The following TMEM68 variants were observed in gnomAD, a reference collection of about 807,000 sequenced individuals.
The protein encoded by TMEM68 is DGAT1/2-independent enzyme synthesizing storage lipids.
TMEM68 carries 25 observed loss-of-function variants against 36.9 expected under a neutral mutation model. The observed-to-expected ratio is 0.68, with a 90% CI of 0.49 to 0.95. TMEM68 has a LOEUF of 0.95. Among genes scored for constraint, TMEM68 ranks in the 40% least tolerant of loss-of-function variants. The pLI, the probability that TMEM68 is intolerant of heterozygous loss-of-function variation, is 0.00. For synonymous variants in TMEM68, 131 were observed against 124.4 expected (o/e 1.05, Z -0.35); for missense variants, 333 against 392.0 (o/e 0.85, Z 1.27).
chr8:55,758,009 C>A (rs1416071775), intron 3 of TMEM68, among the ~76,000 whole-genome samples: 1 of 152,120 alleles, frequency 6.6e-6, no homozygotes, highest in Non-Finnish European at 1.5e-5. Context: ...GGGGCATGAA[C>A]AAGGGGTGTG....
chr8:55,743,503 G>C lies in TMEM68; in HGVS notation c.866C>G (p.Thr289Arg). ...TACCTTTTCAGCTAATTCTTCCGCTGTTATCTGTGGGTCATACGGAATGGG... is the reference window on the plus strand; with the variant it reads ...TACCTTTTCAGCTAATTCTTCCGCTCTTATCTGTGGGTCATACGGAATGGG... Reference protein sequence around the residue: ...GDPIPYDPQITAEELAEKTKN... With the variant: ...GDPIPYDPQIRAEELAEKTKN... Residue 289 changes from threonine (T) to arginine (R), a missense_variant, in exon 7 of 8, where the codon ACA (threonine) becomes AGA (arginine). Transcript: ENST00000434581. 1 of 1,533,864 alleles carries C rather than the reference G, an allele frequency of 6.5e-7. No homozygotes were observed. Among genetic ancestry groups the C allele is most frequent in the Non-Finnish European group, 8.7e-7 (1 of 1,146,092 alleles).
intron 5 of TMEM68, 57 bp from the exon 6 acceptor site, chr8:55,745,178 C>A: frequency 8.3e-7 from 1 of 1,197,638 alleles, no homozygotes; most frequent in South Asian, 1.7e-5. Flanking sequence ...TTCAATGTCT[C>A]CATTAGAGTA....
At chr8:55,769,435 C>G (rs1012371629) in intron 1 of TMEM68, among the ~76,000 whole-genome samples, 1 of 151,590 alleles carries the variant, frequency 6.6e-6, no homozygotes. Context: ...ATTGTTAGAG[C>G]TCTGTCCTTG....
At chr8:55,756,508 A>T in intron 3 of TMEM68, 97 bp from the exon 4 acceptor site, 1 of 1,071,434 alleles carries the variant, frequency 9.3e-7, no homozygotes, top group Non-Finnish European at 1.3e-6. Flanking sequence ...ACAAAAGTAC[A>T]CTAGTCTTCC....
At position 55,756,241 on chromosome 8, in the gene TMEM68, T is replaced by C. The variant is rs769580331; in HGVS notation, c.493+3A>G. 2 of 1,593,988 alleles carry C rather than the reference T, an allele frequency of 1.3e-6. No individual in the cohort carries two copies. Among genetic ancestry groups the C allele is most frequent in the African/African-American group, 1.4e-5 (1 of 73,410 alleles). ...TACATTACTATCTACAGTGAAAGTTTACCTGGAATTTTAAAGACAAAGTGA... is the reference window on the plus strand; with the variant it reads ...TACATTACTATCTACAGTGAAAGTTCACCTGGAATTTTAAAGACAAAGTGA... On this transcript the variant is annotated splice_donor_region_variant and intron_variant, in intron 4 of 7. Transcript: ENST00000434581.
intron 1 of TMEM68, among the ~76,000 whole-genome samples, chr8:55,769,375 C>T (rs1234043322): frequency 1.4e-5 from 2 of 139,446 alleles, no homozygotes; most frequent in Non-Finnish European, 3.1e-5. Flanking sequence ...TCAATGTCAA[C>T]GATAATTCAT....
rs1563438071 is a variant in TMEM68, at chr8:55,763,720, C to CTTTTTATCTTAAATCTT, written c.-70+215_-70+216insAAGATTTAAGATAAAAA. ...GATAACTCTGCACAAAAGAAAACAT[C>CTTTTTATCTTAAATCTT]AATATCTACCTAATTCAGTAAAAGT... On this transcript the variant is annotated intron_variant, in intron 2 of 7. Coordinates refer to ENST00000434581, the MANE Select transcript of TMEM68 (RefSeq NM_001286657.2). 5.6e-4 allele frequency: 7 copies of CTTTTTATCTTAAATCTT among 12,412 alleles called. 1 individual carries two copies. The highest frequency in any genetic ancestry group is 0.05 in the Middle Eastern group (1 of 20). 0.8% of individuals were successfully genotyped at this position (12,412 alleles called of 1,614,324 possible). A position where few individuals can be genotyped will look rare whatever the true frequency, so the allele number is the denominator to read the frequency against.
chr8:55,750,955 A>G lies in TMEM68; in HGVS notation c.687+9T>C, dbSNP rs771242431. ...GCTTTACTTCAATAATTAATTTTAT[A>G]TAACTCACCACTTTTGCATCAATTG... On this transcript the variant is annotated intron_variant, in intron 5 of 7. Coordinates refer to ENST00000434581, the MANE Select transcript of TMEM68 (RefSeq NM_001286657.2). 7 of 1,596,266 alleles carry G rather than the reference A, an allele frequency of 4.4e-6. No homozygotes were observed. Among genetic ancestry groups the G allele is most frequent in the Middle Eastern group, 1.7e-4 (1 of 6,024 alleles).
chr8:55,755,128 A>C (rs899387172), intron 4 of TMEM68, among the ~76,000 whole-genome samples: 1 of 150,930 alleles, frequency 6.6e-6, no homozygotes, highest in Non-Finnish European at 1.5e-5. Context: ...GCAAGACCCC[A>C]TATCTAAATA....
intron 1 of TMEM68, among the ~76,000 whole-genome samples, chr8:55,771,465 CAA>C (rs1811161007): frequency 1.6e-5 from 2 of 121,412 alleles, no homozygotes; most frequent in South Asian, 2.7e-4. Flanking sequence ...CACACACACA[CAA>C]AATTAGGCAG....
At chr8:55,754,550 AATAC>A (rs1279737639) in intron 4 of TMEM68, among the ~76,000 whole-genome samples, 20 of 139,574 alleles carry the variant, frequency 1.4e-4, no homozygotes, top group South Asian at 8.5e-4. Flanking sequence ...TTATATATAT[AATAC>A]ATACATATTA....
intron 1 of TMEM68, among the ~76,000 whole-genome samples, chr8:55,764,528 AGAG>A (rs1160727702): frequency 6.6e-6 from 1 of 152,224 alleles, no homozygotes; most frequent in African/African-American, 2.4e-5. Context: ...GGATGAAAGG[AGAG>A]GAGGAGATGT....
At chr8:55,750,817 C>T (rs749087995) in intron 5 of TMEM68, 147 bp downstream of exon 5, 2 of 721,874 alleles carry the variant, frequency 2.8e-6, no homozygotes, top group Non-Finnish European at 2.2e-6. Context: ...AGATTACAGG[C>T]GTGAGCTACC....
At chr8:55,768,960 G>A (rs1290404275) in intron 1 of TMEM68, among the ~76,000 whole-genome samples, 1 of 146,384 alleles carries the variant, frequency 6.8e-6, no homozygotes, top group Non-Finnish European at 1.5e-5. Flanking sequence ...AAGCTGCAGT[G>A]AGTAATGATC....
intron 4 of TMEM68, among the ~76,000 whole-genome samples, chr8:55,754,558 C>T (rs1486099521): frequency 4.5e-5 from 6 of 132,582 alleles, no homozygotes; most frequent in Non-Finnish European, 3.1e-5. Flanking sequence ...ATAATACATA[C>T]ATATTATATA....
intron 1 of TMEM68, among the ~76,000 whole-genome samples, chr8:55,771,441 AACAC>A (rs10612593): frequency 0.37 from 55,831 of 148,968 alleles, 10,525 homozygotes; most frequent in Middle Eastern, 0.46. Flanking sequence ...GTCTCTACAA[AACAC>A]ACACACACAC....
At chr8:55,756,885 G>C (rs1237534461) in intron 3 of TMEM68, among the ~76,000 whole-genome samples, 1 of 152,132 alleles carries the variant, frequency 6.6e-6, no homozygotes, top group African/African-American at 2.4e-5. Context: ...CGAGACAGGT[G>C]GCCTGGTGTA....
At chr8:55,743,200 G>A (rs1252465524) in intron 7 of TMEM68, among the ~76,000 whole-genome samples, 1 of 151,966 alleles carries the variant, frequency 6.6e-6, no homozygotes, top group Non-Finnish European at 1.5e-5. Context: ...AAAAACCTAT[G>A]CATAGGAATA....
At chr8:55,742,229 A>G (rs541222975) in intron 7 of TMEM68, among the ~76,000 whole-genome samples, 1 of 152,316 alleles carries the variant, frequency 6.6e-6, no homozygotes, top group African/African-American at 2.4e-5. Context: ...GGTGGTTGCT[A>G]GGAGCTGGAG....
Sources: gnomAD v4.1 joint callset for allele counts (sites outside exome capture counted in the v4.1 genomes callset) on GRCh38, gnomAD v4.1.1 for gene constraint, MANE v1.5 for transcripts, NCBI Gene and HGNC (gene_info 2026-07-23, HGNC 2026-07-21) for gene names.